The following CNTN6 variants were observed in gnomAD, a reference collection of about 807,000 sequenced individuals.
CNTN6 encodes contactin-6.
In CNTN6, 137 loss-of-function variants were observed where a neutral mutation model predicts 122.8. That is an observed-to-expected ratio of 1.12 (90% CI 0.97 to 1.29). The LOEUF is 1.29. CNTN6 is among the 50% of genes most tolerant of loss of function. CNTN6 has a pLI of 0.00. For missense variants in CNTN6, 1,634 were observed against 1,223.4 expected (o/e 1.34, Z -5.01); for synonymous variants, 570 against 426.0 (o/e 1.34, Z -4.16).
chr3:1,172,198 G>A (rs1191544064), intron 2 of CNTN6, among the ~76,000 whole-genome samples: 1 of 152,092 alleles, frequency 6.6e-6, no homozygotes, highest in Non-Finnish European at 1.5e-5. Flanking sequence ...TTTCTCAGAG[G>A]TGCTTAAAAA....
chr3:1,248,665 C>G (rs1371675474), intron 4 of CNTN6, among the ~76,000 whole-genome samples: 1 of 151,876 alleles, frequency 6.6e-6, no homozygotes, highest in African/African-American at 2.4e-5. Context: ...ACTAAAAATA[C>G]AAAAATTAGC....
chr3:1,163,310 A>T (rs892324832), intron 2 of CNTN6, among the ~76,000 whole-genome samples: 6 of 152,202 alleles, frequency 3.9e-5, no homozygotes, highest in African/African-American at 1.4e-4. Context: ...TATCAAGAGC[A>T]TCACTGAAGG....
At chr3:1,383,492 G>T in intron 19 of CNTN6, 84 bp downstream of exon 19, 2 of 996,224 alleles carry the variant, frequency 2.0e-6, no homozygotes, top group South Asian at 2.7e-5. Context: ...TATCCTACTA[G>T]CCTGTTGTTA....
intron 11 of CNTN6, among the ~76,000 whole-genome samples, chr3:1,343,845 ACAGAAACT>A (rs1704248631): frequency 1.3e-5 from 2 of 152,154 alleles, no homozygotes; most frequent in Non-Finnish European, 2.9e-5. Flanking sequence ...ATGGCCAAAA[ACAGAAACT>A]CAGGCACATA....
rs57012485 is a variant in CNTN6 at position 1,106,521 on chromosome 3, T to TACACACACACAC, written c.-83+13412_-83+13423dup. ...AACAAAGTGAGACCCCTGTCTGTAA[T>TACACACACACAC]ACACACACACACACACACACACGCA... On this transcript the variant is annotated intron_variant, in intron 1 of 22. Coordinates refer to ENST00000446702, the MANE Select transcript of CNTN6 (RefSeq NM_001289080.2). Among the ~76,000 whole-genome samples, 14 of 149,190 alleles carry TACACACACACAC rather than the reference T, an allele frequency of 9.4e-5. No individual in the cohort carries two copies. The South Asian group carries it at 1.1e-3, about 11-fold the overall frequency.
intron 4 of CNTN6, among the ~76,000 whole-genome samples, chr3:1,248,003 A>C (rs1258253738): frequency 6.6e-6 from 1 of 152,140 alleles, no homozygotes; most frequent in Non-Finnish European, 1.5e-5. Context: ...AAATTTGTCA[A>C]ATTTTAAGTG....
chr3:1,290,229 C>G lies in CNTN6; in HGVS notation c.455-5372C>G, dbSNP rs540361653. 2.0e-5 allele frequency among the ~76,000 whole-genome samples: 3 copies of G among 152,306 alleles called. No individual in the cohort carries two copies. The East Asian group carries it at 5.8e-4, about 29-fold the overall frequency. ...GAAAATTCAAGTTTTTATATCTGTT[C>G]TACTCCCTGCTAATATTAGCAATAA... On this transcript the variant is annotated intron_variant, in intron 5 of 22. Transcript: ENST00000446702.
intron 2 of CNTN6, among the ~76,000 whole-genome samples, chr3:1,184,200 A>C (rs77289927): frequency 1.3e-5 from 2 of 152,196 alleles, no homozygotes; most frequent in Non-Finnish European, 2.9e-5. Flanking sequence ...AAAACAAGGG[A>C]TGTAACAGGG....
At chr3:1,173,012 A>G (rs17034780) in intron 2 of CNTN6, among the ~76,000 whole-genome samples, 13,599 of 152,198 alleles carry the variant, frequency 0.089, 806 homozygotes, top group Middle Eastern at 0.15. Flanking sequence ...CTCTGCTCAC[A>G]AAATAAAGAC....
chr3:1,302,847 ATT>A (rs1559762633), intron 7 of CNTN6, among the ~76,000 whole-genome samples: 1 of 151,792 alleles, frequency 6.6e-6, no homozygotes, highest in African/African-American at 2.4e-5. Flanking sequence ...TCAAACATTT[ATT>A]TGTTTGTTTT....
intron 17 of CNTN6, among the ~76,000 whole-genome samples, chr3:1,378,616 C>G (rs761195271): frequency 1.2e-4 from 18 of 152,042 alleles, no homozygotes; most frequent in Non-Finnish European, 1.9e-4. Flanking sequence ...GGGGGAAACC[C>G]TATTTTTTCA....
At chr3:1,269,798 T>TA (rs201490644) in intron 4 of CNTN6, among the ~76,000 whole-genome samples, 2,710 of 151,084 alleles carry the variant, frequency 0.018, 73 homozygotes, top group African/African-American at 0.054. Flanking sequence ...TATTTTTTCA[T>TA]AAAAAAAAAT....
intron 5 of CNTN6, among the ~76,000 whole-genome samples, chr3:1,284,125 A>C (rs1231293452): frequency 6.6e-6 from 1 of 152,228 alleles, no homozygotes; most frequent in African/African-American, 2.4e-5. Flanking sequence ...AGGTTGGTAG[A>C]ACAGTTGAAT....
At chr3:1,123,622 G>A (rs1386602202) in intron 1 of CNTN6, among the ~76,000 whole-genome samples, 1 of 151,878 alleles carries the variant, frequency 6.6e-6, no homozygotes, top group Non-Finnish European at 1.5e-5. Flanking sequence ...TATGCAATCT[G>A]CAAATGGACA....
At chr3:1,340,045 C>T (rs921609619) in intron 11 of CNTN6, among the ~76,000 whole-genome samples, 1 of 152,062 alleles carries the variant, frequency 6.6e-6, no homozygotes, top group African/African-American at 2.4e-5. Context: ...ATTTTTACAA[C>T]ATACCTATGA....
chr3:1,301,392 G>A (rs1200577248), intron 7 of CNTN6, among the ~76,000 whole-genome samples: 1 of 152,076 alleles, frequency 6.6e-6, no homozygotes, highest in East Asian at 1.9e-4. Flanking sequence ...ATTTGAGTTG[G>A]AAAATTAATA....
At chr3:1,216,866 A>G (rs2125503748) in intron 2 of CNTN6, among the ~76,000 whole-genome samples, 1 of 152,324 alleles carries the variant, frequency 6.6e-6, no homozygotes, top group South Asian at 2.1e-4. Flanking sequence ...GGAATCAGGA[A>G]GCCAAAGTTT....
At chr3:1,335,009 C>G (rs1221049316) in intron 11 of CNTN6, among the ~76,000 whole-genome samples, 4 of 152,106 alleles carry the variant, frequency 2.6e-5, no homozygotes, top group African/African-American at 9.7e-5. Context: ...CAGATAGCCA[C>G]ATAACATATA....
chr3:1,242,775 G>A lies in CNTN6; in HGVS notation c.358+14782G>A, dbSNP rs546191390. Among the ~76,000 whole-genome samples, 12 of 152,056 alleles carry A rather than the reference G, an allele frequency of 7.9e-5. No individual in the cohort carries two copies. The East Asian group carries it at 9.7e-4, about 12-fold the overall frequency. ...GCAGATAATTTGGTTAAAATATCTCGGCCTAATAAGGGAACTGGGCAGGTG... is the reference window on the plus strand; with the variant it reads ...GCAGATAATTTGGTTAAAATATCTCAGCCTAATAAGGGAACTGGGCAGGTG... On this transcript the variant is annotated intron_variant, in intron 4 of 22. Transcript: ENST00000446702.
Sources: allele counts gnomAD v4.1 joint callset (sites outside exome capture counted in the v4.1 genomes callset), GRCh38; gene constraint gnomAD v4.1.1; transcripts MANE v1.5; gene names NCBI Gene and HGNC (gene_info 2026-07-23, HGNC 2026-07-21).